The following ADD3 variants were observed in gnomAD, a reference collection of about 807,000 sequenced individuals.
ADD3 encodes gamma-adducin.
In ADD3, 25 loss-of-function variants were observed where a neutral mutation model predicts 80.2. The ratio of observed to expected loss-of-function variants is 0.31; its 90% CI spans 0.23 to 0.44. The LOEUF (loss-of-function observed/expected upper bound fraction) is 0.44. Ranked by LOEUF, ADD3 falls within the 20% of genes least tolerant of loss-of-function variation. The pLI is 1.00. For synonymous variants in ADD3, 284 were observed against 289.6 expected, an observed-to-expected ratio of 0.98 and a Z score of 0.20; for missense variants, 829 against 847.5, an observed-to-expected ratio of 0.98 and a Z score of 0.27.
chr10:110,100,699 C>G lies in ADD3; in HGVS notation c.46C>G (p.Pro16Ala). The G allele has an allele frequency of 6.2e-7, 1 of 1,613,458 alleles. No homozygotes were observed. Among genetic ancestry groups the G allele is most frequent in the Non-Finnish European group, 8.5e-7 (1 of 1,179,708 alleles). Reference sequence around the variant, plus strand: ...AGGCGTGATTACCACTCCTCCTCCTCCCAGCATGCCTCACAAAGAGAGATA... The same window carrying G: ...AGGCGTGATTACCACTCCTCCTCCTGCCAGCATGCCTCACAAAGAGAGATA... ...SQGVITTPPP[P>A]SMPHKERYFD... The change falls in exon 2 of 15, where the codon CCC becomes GCC. Residue 16 changes from proline (P) to alanine (A), a missense_variant. Physicochemically the swap from Pro to Ala is conservative, Grantham distance 27. Transcript: ENST00000356080.
At chr10:110,115,675 G>A (rs190994028) in intron 3 of ADD3, among the ~76,000 whole-genome samples, 1 of 152,310 alleles carries the variant, frequency 6.6e-6, no homozygotes, top group East Asian at 1.9e-4. Context: ...AAGAGTTCTA[G>A]GAATGAGGCA....
chr10:110,030,902 C>T (rs762583916), intron 1 of ADD3, among the ~76,000 whole-genome samples: 1 of 151,598 alleles, frequency 6.6e-6, no homozygotes, highest in Non-Finnish European at 1.5e-5. Flanking sequence ...GTTTAAAAAA[C>T]GAAACCAAAC....
chr10:110,073,572 G>A (rs1291537937), intron 1 of ADD3, among the ~76,000 whole-genome samples: 1 of 152,202 alleles, frequency 6.6e-6, no homozygotes, highest in Admixed American at 6.5e-5. Context: ...TTTAACTGCT[G>A]AGCAGCATTT....
upstream of ADD3, among the ~76,000 whole-genome samples, chr10:110,003,974 T>A (rs1394559784): frequency 2.6e-5 from 4 of 152,208 alleles, no homozygotes; most frequent in African/African-American, 9.7e-5. Context: ...CGTGTATTCA[T>A]TTTTTAAAGT....
At chr10:110,088,173 C>G (rs1847038124) in intron 1 of ADD3, among the ~76,000 whole-genome samples, 1 of 152,104 alleles carries the variant, frequency 6.6e-6, no homozygotes, top group Non-Finnish European at 1.5e-5. Flanking sequence ...ATCTACAAAC[C>G]CTATTTTCAA....
chr10:110,049,866 G>A (rs1375281910), intron 1 of ADD3, among the ~76,000 whole-genome samples: 4 of 146,178 alleles, frequency 2.7e-5, no homozygotes, highest in Admixed American at 6.9e-5. Context: ...CAGCCTGGGC[G>A]ACAGAGCGAG....
rs764972589 is a variant in ADD3 at position 110,123,283 on chromosome 10, GA to G, written c.1144-732del. Among the ~76,000 whole-genome samples the G allele has an allele frequency of 4.9e-4, 74 of 152,250 alleles. No homozygotes were observed. The Middle Eastern group carries it at 0.01, about 21-fold the overall frequency. ...GTAGTTTTATTTTTAATTGTATGAG[GA>G]ACCTCCATACTGTTTTCCACAATGG... is the stretch of plus-strand genomic sequence containing the variant. On this transcript the variant is annotated intron_variant, in intron 9 of 14. Transcript: ENST00000356080.
chr10:110,031,572 A>G (rs537632022), intron 1 of ADD3, among the ~76,000 whole-genome samples: 5 of 152,056 alleles, frequency 3.3e-5, no homozygotes, highest in Non-Finnish European at 5.9e-5. Flanking sequence ...GTCCTTTAAC[A>G]TGAAGCGGAG....
intron 1 of ADD3, among the ~76,000 whole-genome samples, chr10:110,050,558 G>A (rs369333069): frequency 1.0e-4 from 15 of 149,584 alleles, no homozygotes; most frequent in East Asian, 9.8e-4. Flanking sequence ...TGTTGCCCAG[G>A]CTGGAGTACA....
chr10:110,092,486 G>T (rs899626565), intron 1 of ADD3, among the ~76,000 whole-genome samples: 1 of 151,864 alleles, frequency 6.6e-6, no homozygotes, highest in Non-Finnish European at 1.5e-5. Context: ...ACCAAATACT[G>T]CATGTTCTCA....
chr10:110,009,381 G>T (rs976224256), intron 1 of ADD3, among the ~76,000 whole-genome samples: 1 of 152,214 alleles, frequency 6.6e-6, no homozygotes, highest in South Asian at 2.1e-4. Context: ...TGCAGGGTAC[G>T]TTCCTAATTT....
chr10:110,112,523 G>A (rs1850177071), intron 2 of ADD3, among the ~76,000 whole-genome samples: 1 of 152,134 alleles, frequency 6.6e-6, no homozygotes, highest in Non-Finnish European at 1.5e-5. Context: ...ATCTGTGCCT[G>A]TCTAGTGTAG....
intron 2 of ADD3, among the ~76,000 whole-genome samples, chr10:110,107,266 A>T (rs868633956): frequency 1.3e-5 from 2 of 152,148 alleles, no homozygotes; most frequent in Middle Eastern, 6.8e-3. Flanking sequence ...AAATACAGAG[A>T]TCCCTCCTAA....
At chr10:110,104,589 C>G (rs1006312269) in intron 2 of ADD3, among the ~76,000 whole-genome samples, 3 of 152,156 alleles carry the variant, frequency 2.0e-5, no homozygotes, top group African/African-American at 7.2e-5. Flanking sequence ...AGATTAAAGT[C>G]AGATTTTACT....
chr10:110,069,870 G>C (rs1188713148), intron 1 of ADD3, among the ~76,000 whole-genome samples: 3 of 152,206 alleles, frequency 2.0e-5, no homozygotes, highest in African/African-American at 7.2e-5. Flanking sequence ...AGTCAGATTA[G>C]AGTGAAAGCA....
chr10:110,049,079 G>A (rs1857208688), intron 1 of ADD3, among the ~76,000 whole-genome samples: 1 of 152,182 alleles, frequency 6.6e-6, no homozygotes, highest in African/African-American at 2.4e-5. Flanking sequence ...GGCTAAAAGG[G>A]GCCAAGTTAC....
At chr10:110,103,414 G>A (rs1849059494) in intron 2 of ADD3, among the ~76,000 whole-genome samples, 1 of 152,186 alleles carries the variant, frequency 6.6e-6, no homozygotes, top group African/African-American at 2.4e-5. Flanking sequence ...ACACTTTACT[G>A]GGGCTGGAGG....
At chr10:110,076,338 CTT>C (rs1191202410) in intron 1 of ADD3, among the ~76,000 whole-genome samples, 7 of 151,980 alleles carry the variant, frequency 4.6e-5, no homozygotes, top group South Asian at 4.2e-4. Context: ...CTGTGGAAAA[CTT>C]TTTAAAATAA....
rs566920837 is a variant in ADD3 at position 110,134,373 on chromosome 10, G to T, written c.*755G>T. The stretch of plus-strand genomic sequence containing the variant: ...TTTTGTATGTTGATGTTTGTATACC[G>T]TTCAGTATAAAAGTGTCCTAAGCAT... On this transcript the variant is annotated 3_prime_UTR_variant, in exon 15 of 15. Coordinates refer to ENST00000356080, the MANE Select transcript of ADD3 (RefSeq NM_016824.5). The T allele has an allele frequency of 6.6e-6, 1 of 151,626 alleles. No homozygotes were observed. Among genetic ancestry groups the T allele is most frequent in the South Asian group, 2.1e-4 (1 of 4,806 alleles). The allele number at this position is 151,626 out of a possible 1,614,324, so 9.4% of individuals were successfully genotyped here.
Sources: allele counts gnomAD v4.1 joint callset (sites outside exome capture counted in the v4.1 genomes callset), GRCh38; gene constraint gnomAD v4.1.1; transcripts MANE v1.5; gene names NCBI Gene and HGNC (gene_info 2026-07-23, HGNC 2026-07-21).